Variants in SLC26A7 observed in about 807,000 individuals in gnomAD.
SLC26A7 encodes the protein solute carrier family 26 member 7.
In SLC26A7, 59 loss-of-function variants were observed where a neutral mutation model predicts 82.5. That is an observed-to-expected ratio of 0.72 (90% CI 0.58 to 0.89). SLC26A7 has a LOEUF of 0.89. Ranked by LOEUF, SLC26A7 falls within the 40% of genes least tolerant of loss-of-function variation. The pLI, the probability that SLC26A7 is intolerant of heterozygous loss-of-function variation, is 0.00. For synonymous variants in SLC26A7, 271 were observed against 274.3 expected (o/e 0.99, Z 0.12); for missense variants, 820 against 793.0 (o/e 1.03, Z -0.41).
At chr8:91,259,788 C>G (rs1158927729) in intron 2 of SLC26A7, among the ~76,000 whole-genome samples, 1 of 152,084 alleles carries the variant, frequency 6.6e-6, no homozygotes, top group Non-Finnish European at 1.5e-5. Context: ...TAATTCTCAA[C>G]CATGGCTACA....
At chr8:91,229,444 C>T (rs924006208) in intron 2 of SLC26A7, among the ~76,000 whole-genome samples, 1 of 152,122 alleles carries the variant, frequency 6.6e-6, no homozygotes, top group African/African-American at 2.4e-5. Context: ...AAGAACTTTG[C>T]AATGAACACC....
intron 7 of SLC26A7, 21 bp from the exon 8 acceptor site, chr8:91,340,383 A>G (rs375046074): frequency 9.9e-6 from 16 of 1,612,080 alleles, no homozygotes; most frequent in Admixed American, 1.7e-5. Context: ...GATGACTTCA[A>G]TATGGTCCTT....
intron 2 of SLC26A7, among the ~76,000 whole-genome samples, chr8:91,287,633 T>C (rs4289769): frequency 0.8 from 121,870 of 152,204 alleles, 49,223 homozygotes; most frequent in Non-Finnish European, 0.85. Context: ...TTTTCTTGCT[T>C]AGGAACACTC....
At chr8:91,231,818 T>C (rs2130674804) in intron 2 of SLC26A7, among the ~76,000 whole-genome samples, 1 of 152,170 alleles carries the variant, frequency 6.6e-6, no homozygotes, top group Admixed American at 6.5e-5. Flanking sequence ...CATGTGAGCA[T>C]TGTCTTTTTT....
chr8:91,372,973 T>C (rs559363835), intron 15 of SLC26A7, among the ~76,000 whole-genome samples: 116 of 151,794 alleles, frequency 7.6e-4, no homozygotes, highest in African/African-American at 2.5e-3. Context: ...AGGTATTTTA[T>C]TTTTTTGTGG....
intron 4 of SLC26A7, among the ~76,000 whole-genome samples, chr8:91,316,451 ATTTTTTTT>A (rs58981485): frequency 1.5e-4 from 5 of 34,420 alleles, no homozygotes; most frequent in African/African-American, 2.2e-4. Context: ...CTCAACACTA[ATTTTTTTT>A]TTTTTTTTTT....
chr8:91,234,170 G>C (rs539824822), intron 2 of SLC26A7, among the ~76,000 whole-genome samples: 1 of 152,116 alleles, frequency 6.6e-6, no homozygotes, highest in East Asian at 1.9e-4. Context: ...CATGCCCTTT[G>C]ATGGATGACT....
intron 2 of SLC26A7, among the ~76,000 whole-genome samples, chr8:91,230,413 A>C (rs1014435177): frequency 3.9e-5 from 6 of 151,998 alleles, no homozygotes; most frequent in Admixed American, 1.3e-4. Context: ...TTTCCTCCCA[A>C]CTGTCTTCCT....
At chr8:91,370,602 T>G (rs1222934397) in intron 15 of SLC26A7, among the ~76,000 whole-genome samples, 2 of 152,038 alleles carry the variant, frequency 1.3e-5, no homozygotes, top group Non-Finnish European at 2.9e-5. Flanking sequence ...AATTACCAGG[T>G]CAATATTCTC....
intron 15 of SLC26A7, among the ~76,000 whole-genome samples, chr8:91,380,635 A>G (rs188446640): frequency 3.3e-5 from 5 of 152,186 alleles, no homozygotes; most frequent in African/African-American, 9.6e-5. Flanking sequence ...TTATGATGTC[A>G]TGTTGACATT....
At chr8:91,265,682 G>T (rs1322590926) in intron 2 of SLC26A7, among the ~76,000 whole-genome samples, 1 of 151,914 alleles carries the variant, frequency 6.6e-6, no homozygotes, top group African/African-American at 2.4e-5. Context: ...CTGGCCATTT[G>T]TATGTCTTTG....
At chr8:91,299,126 T>C (rs1812093049) in intron 4 of SLC26A7, among the ~76,000 whole-genome samples, 1 of 152,178 alleles carries the variant, frequency 6.6e-6, no homozygotes, top group African/African-American at 2.4e-5. Flanking sequence ...AATTGTCTAT[T>C]TATATTTGTC....
At chr8:91,373,481 C>A (rs1203255374) in intron 15 of SLC26A7, among the ~76,000 whole-genome samples, 2 of 151,942 alleles carry the variant, frequency 1.3e-5, no homozygotes, top group Non-Finnish European at 2.9e-5. Context: ...TTAAGATAAT[C>A]ACATGGCTTT....
chr8:91,210,478 G>C (rs571222195), intron 1 of SLC26A7, among the ~76,000 whole-genome samples: 1 of 151,836 alleles, frequency 6.6e-6, no homozygotes, highest in Non-Finnish European at 1.5e-5. Context: ...GACTTGCAGA[G>C]TAAGAAAATA....
intron 4 of SLC26A7, among the ~76,000 whole-genome samples, chr8:91,308,947 C>G (rs781246830): frequency 6.6e-6 from 1 of 152,018 alleles, no homozygotes; most frequent in Non-Finnish European, 1.5e-5. Context: ...ATGCCCTGCT[C>G]AGTCCTAGAA....
chr8:91,378,887 C>T (rs1045529057), intron 15 of SLC26A7, among the ~76,000 whole-genome samples: 5 of 151,716 alleles, frequency 3.3e-5, no homozygotes, highest in African/African-American at 1.2e-4. Flanking sequence ...GAGGAAAACT[C>T]GTATCATTCA....
In SLC26A7 at chr8:91,281,506, A is replaced by C. The variant is rs1020654831; in HGVS notation, c.194-7630A>C. On this transcript the variant is annotated intron_variant, in intron 2 of 18. Transcript: ENST00000276609. ...CTATAAATGACTTGAAAATCTGCAG[A>C]TTTTGGTATCCCGGGGTGTCCTAGA... is the stretch of plus-strand genomic sequence containing the variant. 3.3e-5 allele frequency among the ~76,000 whole-genome samples: 5 copies of C among 152,212 alleles called. No homozygotes were observed. In the East Asian group the frequency reaches 9.6e-4, roughly 29 times the overall value.
intron 15 of SLC26A7, among the ~76,000 whole-genome samples, chr8:91,370,168 T>C (rs1197286461): frequency 7.7e-6 from 1 of 129,392 alleles, no homozygotes; most frequent in Non-Finnish European, 1.7e-5. Context: ...CTCTCTCTTC[T>C]TCTTTCCTTC....
intron 15 of SLC26A7, among the ~76,000 whole-genome samples, chr8:91,372,698 T>C (rs1436233616): frequency 6.6e-6 from 1 of 152,012 alleles, no homozygotes; most frequent in Non-Finnish European, 1.5e-5. Context: ...CCCTTTAGGG[T>C]TGCTTGCCTA....
Sources: allele counts gnomAD v4.1 joint callset (sites outside exome capture counted in the v4.1 genomes callset), GRCh38; gene constraint gnomAD v4.1.1; transcripts MANE v1.5; gene names NCBI Gene and HGNC (gene_info 2026-07-23, HGNC 2026-07-21).